The following ANKRD42 variants were observed in gnomAD, a reference collection of about 807,000 sequenced individuals.
ANKRD42 encodes the protein ankyrin repeat domain-containing protein 42.
A neutral mutation model predicts 51.5 loss-of-function variants in ANKRD42; 43 were observed. The ratio of observed to expected loss-of-function variants is 0.83; its 90% CI spans 0.65 to 1.08. ANKRD42 has a LOEUF of 1.08. ANKRD42 is among the 50% of genes least tolerant of loss of function. The pLI is 0.00. For synonymous variants in ANKRD42, 203 were observed against 213.0 expected, an observed-to-expected ratio of 0.95 and a Z score of 0.41; for missense variants, 608 against 629.3, an observed-to-expected ratio of 0.97 and a Z score of 0.36.
intron 2 of ANKRD42, among the ~76,000 whole-genome samples, chr11:83,200,729 C>T (rs1445028016): frequency 6.6e-6 from 1 of 152,132 alleles, no homozygotes; most frequent in Non-Finnish European, 1.5e-5. Flanking sequence ...CACCTGTAGT[C>T]CATATACTAT....
chr11:83,222,984 C>T (rs681259), intron 5 of ANKRD42, among the ~76,000 whole-genome samples: 67,950 of 152,040 alleles, frequency 0.45, 15,761 homozygotes, highest in African/African-American at 0.57. Context: ...GCATGGTGGC[C>T]CATGCTTGTA....
Position 83,248,910 on chromosome 11 carries a change from T to C in ANKRD42, c.*706T>C, listed in dbSNP as rs79986221. 4,757 of 982,784 alleles carry C rather than the reference T, an allele frequency of 4.8e-3. 117 individuals carry two copies. In the African/African-American group the frequency reaches 0.061, roughly 13 times the overall value. 60.9% of individuals were successfully genotyped at this position (982,784 alleles called of 1,614,324 possible). On this transcript the variant is annotated 3_prime_UTR_variant, in exon 11 of 11. Coordinates refer to ENST00000533342, the MANE Select transcript of ANKRD42 (RefSeq NM_001300975.2). ...CAAATATAACCACTTCCTCAGTTTC[T>C]CTGGGTTTTGGTGTCTCACCAGTGG...
chr11:83,199,399 A>G (rs1861782660), intron 2 of ANKRD42, among the ~76,000 whole-genome samples: 1 of 152,094 alleles, frequency 6.6e-6, no homozygotes, highest in African/African-American at 2.4e-5. Flanking sequence ...ATTATTCTTT[A>G]GCTTTTTTTT....
intron 5 of ANKRD42, among the ~76,000 whole-genome samples, chr11:83,219,564 G>A (rs1439084267): frequency 2.0e-5 from 3 of 152,212 alleles, no homozygotes; most frequent in African/African-American, 7.2e-5. Context: ...GTCCCCACTT[G>A]CCATCAAAGG....
intron 5 of ANKRD42, among the ~76,000 whole-genome samples, chr11:83,215,653 T>C (rs961845528): frequency 2.2e-4 from 33 of 152,302 alleles, no homozygotes; most frequent in African/African-American, 6.7e-4. Context: ...TTTATAGATA[T>C]AACAGATTAT....
At chr11:83,239,284 G>A (rs954606717) in intron 8 of ANKRD42, among the ~76,000 whole-genome samples, 1 of 152,012 alleles carries the variant, frequency 6.6e-6, no homozygotes, top group African/African-American at 2.4e-5. Context: ...TTGATGTTGA[G>A]TTTTAAAGGT....
chr11:83,228,530 G>A (rs1008116740), intron 7 of ANKRD42, among the ~76,000 whole-genome samples: 6 of 152,036 alleles, frequency 3.9e-5, no homozygotes, highest in Admixed American at 1.3e-4. Context: ...TGCCTGGCCT[G>A]ATGGCAGGTG....
In ANKRD42 at chr11:83,255,888, T is replaced by A. The variant is rs1298231188; in HGVS notation, c.1508T>A (p.Val503Glu). 9 of 1,519,802 alleles carry A rather than the reference T, an allele frequency of 5.9e-6. No homozygotes were observed. In the Admixed American group the frequency reaches 1.6e-4, roughly 27 times the overall value. 94.1% of individuals were successfully genotyped at this position (1,519,802 alleles called of 1,614,324 possible). ...GAGTCAAACAAAGAGAAGAGGCGAG[T>A]AAAAAAAAAGGTTTCTTCTGGAGGG... The change falls in exon 12 of 12, where the codon GTA (valine) becomes GAA (glutamate). Residue 503 changes from valine (V) to glutamate (E), a missense_variant. Transcript: ENST00000260047.
rs1283333379 is a variant in ANKRD42 at position 83,240,926 on chromosome 11, A to G, written c.1187A>G (p.Asp396Gly). The G allele has an allele frequency of 1.2e-6, 2 of 1,610,848 alleles. No individual in the cohort carries two copies. The highest frequency in any genetic ancestry group is 1.7e-5 in the Admixed American group (1 of 59,402). The change falls in exon 9 of 11, where the codon GAT becomes GGT. Residue 396 changes from aspartate (D) to glycine (G), a missense_variant. Physicochemically the swap from Asp to Gly is moderately conservative, Grantham distance 94 (BLOSUM62 -1). Transcript: ENST00000533342. The stretch of plus-strand genomic sequence containing the variant: ...TGTCTGAGTGACTTGGATAAAACAG[A>G]TGCCAGAAGTAAGTATGCTGCCTCT... ...DLCLSDLDKT[D>G]ARMRAYKKIV...
At position 83,194,054 on chromosome 11, in the gene ANKRD42, A is replaced by G. The variant is rs1357518975; in HGVS notation, c.-617A>G. The G allele has an allele frequency of 4.4e-6, 2 of 456,532 alleles. No homozygotes were observed. Among genetic ancestry groups the G allele is most frequent in the Non-Finnish European group, 8.8e-6 (2 of 226,798 alleles). 28.3% of individuals were successfully genotyped at this position (456,532 alleles called of 1,614,324 possible). ...AGAAGGGTCAGTGAAAACCTCGGCC[A>G]CTGCCGCAGCGTCTCTAGGGAGAGA... is the stretch of plus-strand genomic sequence containing the variant. On this transcript the variant is annotated 5_prime_UTR_variant, in exon 1 of 11. Transcript: ENST00000533342.
At chr11:83,250,602 A>C (rs538273650), downstream of ANKRD42, among the ~76,000 whole-genome samples, 1 of 152,198 alleles carries the variant, frequency 6.6e-6, no homozygotes, top group East Asian at 1.9e-4. Flanking sequence ...CTGTGTCCCC[A>C]CTAGGGATCC....
chr11:83,203,501 C>A (rs1861951139), intron 2 of ANKRD42, among the ~76,000 whole-genome samples: 1 of 148,924 alleles, frequency 6.7e-6, no homozygotes, highest in South Asian at 2.1e-4. Context: ...TCAAATGATT[C>A]TCCTGCCTCA....
At chr11:83,252,028 C>G (rs1863683750), downstream of ANKRD42, among the ~76,000 whole-genome samples, 1 of 152,076 alleles carries the variant, frequency 6.6e-6, no homozygotes, top group Non-Finnish European at 1.5e-5. Context: ...TCTCTCCTAT[C>G]TGAAAAAGAA....
chr11:83,262,343 T>C (rs1863977598), downstream of ANKRD42, among the ~76,000 whole-genome samples: 1 of 152,142 alleles, frequency 6.6e-6, no homozygotes, highest in Non-Finnish European at 1.5e-5. Context: ...AAAATATACA[T>C]ATATCTGTGA....
At chr11:83,206,763 G>T (rs570942912) in intron 3 of ANKRD42, among the ~76,000 whole-genome samples, 1 of 152,296 alleles carries the variant, frequency 6.6e-6, no homozygotes, top group South Asian at 2.1e-4. Flanking sequence ...CCCAGTTTAT[G>T]ATATTTTGTT....
rs570361181 is a variant in ANKRD42, at chr11:83,205,623, A to G, written c.223-435A>G. On this transcript the variant is annotated intron_variant, in intron 2 of 10. Transcript: ENST00000533342. ...ATTTTTTAGAATCACTAGAATAACA[A>G]TGTTTGCTCTGATGCAAAAGCTCTG... Among the ~76,000 whole-genome samples the G allele has an allele frequency of 3.3e-5, 5 of 152,334 alleles. No homozygotes were observed. The East Asian group carries it at 5.8e-4, about 18-fold the overall frequency.
chr11:83,198,640 G>A lies in ANKRD42; in HGVS notation c.220G>A (p.Glu74Lys). Residue 74 changes from glutamate (E) to lysine (K), a missense_variant and splice_region_variant, in exon 2 of 11, where the codon GAG becomes AAG. Coordinates refer to ENST00000533342, the MANE Select transcript of ANKRD42 (RefSeq NM_001300975.2). ...LHWAAHSGSL[E>K]CLHWLLWHGA... ...TTGGGCAGCACATTCTGGAAGTTTG[G>A]AGGTAAGAAACTATACATATCACTA... is the stretch of plus-strand genomic sequence containing the variant. 1 of 1,583,466 alleles carries A rather than the reference G, an allele frequency of 6.3e-7. No homozygotes were observed. Among genetic ancestry groups the A allele is most frequent in the Non-Finnish European group, 8.6e-7 (1 of 1,164,272 alleles).
At chr11:83,201,177 G>A (rs1468704445) in intron 2 of ANKRD42, among the ~76,000 whole-genome samples, 3 of 152,052 alleles carry the variant, frequency 2.0e-5, no homozygotes, top group African/African-American at 7.2e-5. Context: ...AGGCCCCAGT[G>A]TGTGATGTTC....
intron 8 of ANKRD42, among the ~76,000 whole-genome samples, chr11:83,238,365 A>C (rs934940000): frequency 6.6e-6 from 1 of 152,224 alleles, no homozygotes; most frequent in Non-Finnish European, 1.5e-5. Flanking sequence ...CTTTATAAGA[A>C]ACTGCCGAAG....
Sources: gnomAD v4.1 joint callset for allele counts (sites outside exome capture counted in the v4.1 genomes callset) on GRCh38, gnomAD v4.1.1 for gene constraint, MANE v1.5 for transcripts, NCBI Gene and HGNC (gene_info 2026-07-23, HGNC 2026-07-21) for gene names.